Variants in DISC1 observed in about 807,000 individuals in gnomAD.
DISC1 encodes the protein disrupted in schizophrenia 1 protein.
DISC1 carries 57 observed loss-of-function variants against 84.5 expected under a neutral mutation model. The ratio of observed to expected loss-of-function variants is 0.67; its 90% CI spans 0.55 to 0.84. The LOEUF is 0.84. Ranked by LOEUF, DISC1 falls within the 40% of genes least tolerant of loss-of-function variation. The probability of loss-of-function intolerance (pLI) is 0.00; values close to 1 mark genes in which losing one functional copy is unlikely to be tolerated. For missense variants in DISC1, 1,000 were observed against 1,057.8 expected, an observed-to-expected ratio of 0.95 and a Z score of 0.76; for synonymous variants, 411 against 415.2, an observed-to-expected ratio of 0.99 and a Z score of 0.12.
chr1:231,680,539 CAT>C (rs577246800), intron 1 of DISC1, among the ~76,000 whole-genome samples: 22 of 152,024 alleles, frequency 1.4e-4, no homozygotes, highest in African/African-American at 1.9e-4. Flanking sequence ...CCAATACTAA[CAT>C]GTGGAAAAAA....
At chr1:231,666,220 T>C (rs2062000953) in intron 1 of DISC1, among the ~76,000 whole-genome samples, 1 of 151,576 alleles carries the variant, frequency 6.6e-6, no homozygotes, top group South Asian at 2.1e-4. Flanking sequence ...CCCAAGCTTT[T>C]CATGTCATAT....
intron 9 of DISC1, among the ~76,000 whole-genome samples, chr1:231,957,116 T>C (rs1324363501): frequency 6.6e-6 from 1 of 152,198 alleles, no homozygotes; most frequent in African/African-American, 2.4e-5. Context: ...GAGACTATAG[T>C]CTACCACAGT....
rs771749332 is a variant in DISC1, at chr1:231,669,495, G to T, written c.68-24331G>T. On this transcript the variant is annotated intron_variant, in intron 1 of 12. Transcript: ENST00000439617. ...GCATCCAACGAAGGTCTAATATCCA[G>T]CATCTATAGGGAACTTAAACAAATT... Among the ~76,000 whole-genome samples, 13 of 152,068 alleles carry T rather than the reference G, an allele frequency of 8.5e-5. No homozygotes were observed. The South Asian group carries it at 1.0e-3, about 12-fold the overall frequency.
At chr1:231,898,920 A>G (rs1571906899) in intron 9 of DISC1, among the ~76,000 whole-genome samples, 1 of 152,058 alleles carries the variant, frequency 6.6e-6, no homozygotes, top group Non-Finnish European at 1.5e-5. Flanking sequence ...GTGACAGAGC[A>G]AGACTGTCTA....
At chr1:231,723,733 A>G (rs2125121571) in intron 3 of DISC1, 2 of 985,400 alleles carry the variant, frequency 2.0e-6, no homozygotes, top group South Asian at 4.7e-5. Context: ...TCCCTGGCAG[A>G]CAGACTTCTG....
intron 9 of DISC1, among the ~76,000 whole-genome samples, chr1:231,905,710 C>T (rs2088577870): frequency 6.6e-6 from 1 of 152,032 alleles, no homozygotes; most frequent in Admixed American, 6.6e-5. Flanking sequence ...ATGTGTGATT[C>T]TGAGGGGCAT....
In DISC1 at chr1:231,758,448, C is replaced by T. The variant is rs201124751; in HGVS notation, c.1268+8372C>T. ...CAAACCATGGGGTAGGGGAGAAAAA[C>T]GCGTCTCTCATGAAGACCCATTTCC... On this transcript the variant is annotated intron_variant, in intron 4 of 12. Transcript: ENST00000439617. Among the ~76,000 whole-genome samples, 154 of 152,044 alleles carry T rather than the reference C, an allele frequency of 1.0e-3. No homozygotes were observed. In the South Asian group the frequency reaches 0.017, roughly 17 times the overall value.
chr1:231,642,178 C>T lies in DISC1; in HGVS notation c.67+15244C>T, dbSNP rs543822627. ...TAAGCCCTTCACTGCCCGGGGCCGG[C>T]GGGGCCGGCCGGCCACTCCGAGTGC... On this transcript the variant is annotated intron_variant, in intron 1 of 12. Transcript: ENST00000439617. Among the ~76,000 whole-genome samples the T allele has an allele frequency of 3.7e-4, 57 of 152,224 alleles. No individual in the cohort carries two copies. The South Asian group carries it at 0.01, about 27-fold the overall frequency.
In DISC1 at chr1:231,770,919, C is replaced by T. The variant is rs762674669; in HGVS notation, c.1483C>T (p.Gln495Ter). The change falls in exon 6 of 13, where the codon CAG becomes TAG. Residue 495 changes from glutamine (Q) to a stop codon, truncating the protein, a stop_gained. Coordinates refer to ENST00000439617, the MANE Select transcript of DISC1 (RefSeq NM_018662.3). LOFTEE classifies it high-confidence loss of function. ...GAGAAGGGAAATAGAGGAGCAAGAG[C>T]AGCAACTCCAGTGGCAGGGCTGCGA... The part of the protein sequence containing the change: ...QLRREIEEQE[Q>*]QLQWQGCDLT... The T allele has an allele frequency of 5.0e-6, 8 of 1,614,202 alleles. No homozygotes were observed.
chr1:231,743,761 C>T (rs201939253), intron 3 of DISC1, among the ~76,000 whole-genome samples: 52 of 152,302 alleles, frequency 3.4e-4, no homozygotes, highest in Non-Finnish European at 6.5e-4. Context: ...GGGACTTGAT[C>T]TTGGACAGAT....
chr1:231,833,245 G>A (rs145917549), intron 9 of DISC1, among the ~76,000 whole-genome samples: 9,972 of 151,014 alleles, frequency 0.066, 634 homozygotes, highest in East Asian at 0.34. Context: ...TGTCAAAGTT[G>A]GCACCAGAGT....
At chr1:231,790,815 G>T (rs569866571) in intron 6 of DISC1, among the ~76,000 whole-genome samples, 1 of 152,256 alleles carries the variant, frequency 6.6e-6, no homozygotes, top group South Asian at 2.1e-4. Context: ...ACCGCGCCTG[G>T]CCTTCCACAT....
chr1:231,717,733 C>T (rs908798888), intron 3 of DISC1, among the ~76,000 whole-genome samples: 5 of 152,132 alleles, frequency 3.3e-5, no homozygotes, highest in South Asian at 2.1e-4. Flanking sequence ...GTTGTATGAA[C>T]GCATCAGACA....
intron 1 of DISC1, among the ~76,000 whole-genome samples, chr1:231,628,130 T>G (rs1312342223): frequency 6.6e-6 from 1 of 152,222 alleles, no homozygotes; most frequent in Non-Finnish European, 1.5e-5. Context: ...ATTTGATTAA[T>G]GCAGGAATAG....
chr1:232,008,789 A>C lies in DISC1; in HGVS notation c.2047A>C (p.Lys683Gln). Reference protein sequence around the residue: ...ETLKNKLCSCKCPLLGKVWEA... With the variant: ...ETLKNKLCSCQCPLLGKVWEA... ...TTTGTTTCCTCTCTGTCTCAGCTGC[A>C]AGTGTCCACTGCTTGGGAAAGTGTG... Residue 683 changes from lysine (K) to glutamine (Q), a missense_variant, in exon 11 of 13, where the codon AAG (lysine) becomes CAG (glutamine). By Grantham distance (53) the Lys-to-Gln change is moderately conservative (BLOSUM62 1). This residue lies in a region of DISC1 where 397 missense variants were observed against 377.5 expected (regional missense o/e 1.05). Transcript: ENST00000439617. 1 of 1,557,018 alleles carries C rather than the reference A, an allele frequency of 6.4e-7. No individual in the cohort carries two copies. The highest frequency in any genetic ancestry group is 8.7e-7 in the Non-Finnish European group (1 of 1,152,044).
chr1:231,633,497 CTG>C (rs2058919380), intron 1 of DISC1, among the ~76,000 whole-genome samples: 1 of 152,174 alleles, frequency 6.6e-6, no homozygotes, highest in Admixed American at 6.5e-5. Flanking sequence ...ATTTGAGCTA[CTG>C]TGTAAATTTC....
intron 9 of DISC1, among the ~76,000 whole-genome samples, chr1:231,911,207 A>G (rs184009826): frequency 2.5e-4 from 38 of 152,236 alleles, no homozygotes; most frequent in African/African-American, 8.4e-4. Context: ...TGTCAATTTG[A>G]TCCTGTCATT....
chr1:231,640,526 G>GT (rs1417112558), intron 1 of DISC1, among the ~76,000 whole-genome samples: 2 of 127,720 alleles, frequency 1.6e-5, no homozygotes, highest in Non-Finnish European at 3.2e-5. Context: ...GACCTCCTTG[G>GT]TATTTTTTTT....
In DISC1 at chr1:231,686,184, C is replaced by T. The variant is rs1013312875; in HGVS notation, c.68-7642C>T. On this transcript the variant is annotated intron_variant, in intron 1 of 12. Transcript: ENST00000439617. ...GTAGGTGGATCTACCATCCTGGGGT[C>T]TGGAGGATGGTGGCCCTCTTCTCAC... is the stretch of plus-strand genomic sequence containing the variant. Among the ~76,000 whole-genome samples, 50 of 152,306 alleles carry T rather than the reference C, an allele frequency of 3.3e-4. 2 individuals are homozygous for T. The highest frequency in any genetic ancestry group is 6.5e-5 in the Admixed American group (1 of 15,306).
Sources: allele counts gnomAD v4.1 joint callset (sites outside exome capture counted in the v4.1 genomes callset), GRCh38; gene constraint gnomAD v4.1.1; regional missense constraint gnomAD v4.1.1; transcripts MANE v1.5; gene names NCBI Gene and HGNC (gene_info 2026-07-23, HGNC 2026-07-21).